Variants in STAU1 observed in about 807,000 individuals in gnomAD.
STAU1 encodes the protein double-stranded RNA-binding protein Staufen homolog 1.
In STAU1, 13 loss-of-function variants were observed where a neutral mutation model predicts 62.9. The observed-to-expected ratio is 0.21, with a 90% CI of 0.13 to 0.33. STAU1 has a LOEUF of 0.33. STAU1 is among the 10% of genes least tolerant of loss of function. The pLI is 1.00. For synonymous variants in STAU1, 269 were observed against 265.1 expected, an observed-to-expected ratio of 1.01 and a Z score of -0.14; for missense variants, 571 against 712.1, an observed-to-expected ratio of 0.80 and a Z score of 2.25.
At chr20:49,120,219 T>A (rs892968350) in intron 8 of STAU1, 91 bp from the exon 9 acceptor site, 1 of 1,449,364 alleles carries the variant, frequency 6.9e-7, no homozygotes. Flanking sequence ...TAACCAACTA[T>A]GGTCAGAAGC....
chr20:49,145,895 C>T (rs1336152929), intron 5 of STAU1, among the ~76,000 whole-genome samples: 1 of 151,724 alleles, frequency 6.6e-6, no homozygotes, highest in Non-Finnish European at 1.5e-5. Flanking sequence ...AATAGTGAGA[C>T]CTGTCTCTGT....
chr20:49,135,294 CTTTT>C (rs1460478006), intron 6 of STAU1, among the ~76,000 whole-genome samples: 1 of 152,212 alleles, frequency 6.6e-6, no homozygotes, highest in East Asian at 1.9e-4. Flanking sequence ...AACTATATGT[CTTTT>C]AAGGCAACAT....
chr20:49,120,839 G>A (rs559873628), intron 8 of STAU1, among the ~76,000 whole-genome samples: 1 of 152,146 alleles, frequency 6.6e-6, no homozygotes, highest in South Asian at 2.1e-4. Flanking sequence ...TCTTCACCCA[G>A]GATGGAGTGC....
rs2093663492 is a variant in STAU1 at position 49,176,652 on chromosome 20, T to C, written c.-159-2383A>G. Among the ~76,000 whole-genome samples, 2 of 152,174 alleles carry C rather than the reference T, an allele frequency of 1.3e-5. 1 individual carries two copies. Among genetic ancestry groups the C allele is most frequent in the African/African-American group, 4.8e-5 (2 of 41,442 alleles). On this transcript the variant is annotated intron_variant, in intron 1 of 13. Coordinates refer to ENST00000371856, the MANE Select transcript of STAU1 (RefSeq NM_017453.4). ...CAGGTTCTTTTCATAGATAGTATATTATACTAACAACTTTCCAGTCTAGAG... is the reference window on the plus strand; with the variant it reads ...CAGGTTCTTTTCATAGATAGTATATCATACTAACAACTTTCCAGTCTAGAG...
chr20:49,158,957 C>T lies in STAU1; in HGVS notation c.206-4886G>A, dbSNP rs1175874534. 4.6e-6 allele frequency: 6 copies of T among 1,301,194 alleles called. No individual in the cohort carries two copies. In the Admixed American group the frequency reaches 6.9e-5, roughly 15 times the overall value. 80.6% of individuals were successfully genotyped at this position (1,301,194 alleles called of 1,614,324 possible). On this transcript the variant is annotated intron_variant, in intron 3 of 13. Coordinates refer to ENST00000371856, the MANE Select transcript of STAU1 (RefSeq NM_017453.4). ...CCTTTACCCCCCTTGACACTTCACA[C>T]ATCAGGACATCAGGGGTCTCCTTTA...
At chr20:49,121,104 C>T (rs993625062) in intron 8 of STAU1, among the ~76,000 whole-genome samples, 2 of 149,238 alleles carry the variant, frequency 1.3e-5, no homozygotes, top group Non-Finnish European at 3.0e-5. Context: ...TACCTATTAA[C>T]ATAAATAAAA....
In STAU1 at chr20:49,123,081, T is replaced by G; in HGVS notation, c.966+11A>C. On this transcript the variant is annotated intron_variant, in intron 8 of 13. Transcript: ENST00000371856. The stretch of plus-strand genomic sequence containing the variant: ...CAGAGGAAGGGGCGCCCATCATCCA[T>G]GCGGACCCACCTGCATCACAAACTC... The G allele has an allele frequency of 6.3e-7, 1 of 1,582,078 alleles. No individual in the cohort carries two copies. The highest frequency in any genetic ancestry group is 8.6e-7 in the Non-Finnish European group (1 of 1,164,418).
chr20:49,195,926 A>AG, the STAU1 span, among the ~76,000 whole-genome samples: 311 of 27,806 alleles, frequency 0.011, 3 homozygotes, highest in Admixed American at 0.033. Context: ...AAGAAAAAAG[A>AG]AAAAAAAAAA....
chr20:49,133,952 T>C (rs1035692054), intron 6 of STAU1, among the ~76,000 whole-genome samples: 7 of 152,144 alleles, frequency 4.6e-5, no homozygotes, highest in Admixed American at 3.9e-4. Context: ...TTTAGGGTGC[T>C]AGCACATAGG....
intron 6 of STAU1, among the ~76,000 whole-genome samples, chr20:49,130,937 C>CA (rs757539113): frequency 3.6e-3 from 447 of 122,678 alleles, no homozygotes; most frequent in Middle Eastern, 8.4e-3. Context: ...GACTCCGTCT[C>CA]AAAAAAAAAA....
At chr20:49,124,631 T>C (rs762742424) in intron 6 of STAU1, 44 bp from the exon 7 acceptor site, 30 of 1,604,776 alleles carry the variant, frequency 1.9e-5, no homozygotes, top group Non-Finnish European at 2.4e-5. Flanking sequence ...CAGACACTTA[T>C]TAAAAGCTCC....
intron 2 of STAU1, among the ~76,000 whole-genome samples, chr20:49,167,240 A>C (rs777271251): frequency 6.6e-6 from 1 of 152,204 alleles, no homozygotes; most frequent in Admixed American, 6.5e-5. Context: ...CAGTGGCAAC[A>C]AAGAACAGAA....
intron 3 of STAU1, chr20:49,158,423 G>A: frequency 7.7e-7 from 1 of 1,304,246 alleles, no homozygotes. Flanking sequence ...GCCTTAAGGG[G>A]TGAGGCAACT....
At chr20:49,206,953 A>T in the STAU1 span, among the ~76,000 whole-genome samples, 1 of 151,336 alleles carries the variant, frequency 6.6e-6, no homozygotes, top group Non-Finnish European at 1.5e-5. Context: ...ACGGGGTTTC[A>T]CCATGTTGGC....
At chr20:49,150,466 A>G (rs908833902) in intron 5 of STAU1, among the ~76,000 whole-genome samples, 3 of 151,280 alleles carry the variant, frequency 2.0e-5, no homozygotes, top group Non-Finnish European at 4.4e-5. Context: ...GGTTCATGCC[A>G]TTCTCCTGCC....
intron 6 of STAU1, among the ~76,000 whole-genome samples, chr20:49,130,175 T>A (rs905803452): frequency 3.9e-5 from 6 of 152,238 alleles, no homozygotes; most frequent in Admixed American, 3.3e-4. Context: ...ACAGCATGAA[T>A]AATGACTCCA....
At chr20:49,181,968 CAT>C (rs1424701336) in intron 1 of STAU1, among the ~76,000 whole-genome samples, 3 of 152,254 alleles carry the variant, frequency 2.0e-5, no homozygotes, top group East Asian at 1.9e-4. Context: ...TATAAACCCA[CAT>C]AGTCATCACA....
chr20:49,209,438 T>TAA, the STAU1 span, among the ~76,000 whole-genome samples: 18,802 of 118,864 alleles, frequency 0.16, 1,774 homozygotes, highest in East Asian at 0.36. Flanking sequence ...TCTGTACAGT[T>TAA]AAAAAAAAAA....
intron 3 of STAU1, among the ~76,000 whole-genome samples, chr20:49,160,505 G>A (rs570238754): frequency 3.7e-4 from 56 of 152,226 alleles, no homozygotes; most frequent in Admixed American, 3.3e-3. Context: ...GTCCTTAGAT[G>A]GTTGGGAAAA....
Sources: gnomAD v4.1 joint callset for allele counts (sites outside exome capture counted in the v4.1 genomes callset) on GRCh38, gnomAD v4.1.1 for gene constraint, MANE v1.5 for transcripts, NCBI Gene and HGNC (gene_info 2026-07-23, HGNC 2026-07-21) for gene names.